PTK2: variants seen among roughly 807,000 people sequenced by gnomAD.
The protein encoded by PTK2 is focal adhesion kinase 1.
PTK2 carries 45 observed loss-of-function variants against 150.1 expected under a neutral mutation model. The ratio of observed to expected loss-of-function variants is 0.30; its 90% confidence interval spans 0.24 to 0.38. The LOEUF (loss-of-function observed/expected upper bound fraction) is 0.38, where lower values mean the gene tolerates loss of function less well. Ranked by LOEUF, PTK2 falls within the 10% of genes least tolerant of loss-of-function variation. The probability of loss-of-function intolerance (pLI) is 1.00; values close to 1 mark genes in which losing one functional copy is unlikely to be tolerated. For synonymous variants in PTK2, 432 were observed against 449.2 expected, an observed-to-expected ratio of 0.96 and a Z score of 0.48; for missense variants, 919 against 1,307.3, an observed-to-expected ratio of 0.70 and a Z score of 4.58.
chr8:140,716,722 T>A (rs190055769), intron 23 of PTK2, among the ~76,000 whole-genome samples: 120 of 152,356 alleles, frequency 7.9e-4, no homozygotes, highest in African/African-American at 2.8e-3. Flanking sequence ...AGAAAATAAT[T>A]GTCAAAGTTT....
chr8:140,860,881 C>A (rs2154605591), intron 5 of PTK2, among the ~76,000 whole-genome samples: 1 of 152,308 alleles, frequency 6.6e-6, no homozygotes, highest in South Asian at 2.1e-4. Context: ...CACGGAAAAA[C>A]AACGACATTG....
At chr8:140,948,835 T>A (rs1569399664) in intron 1 of PTK2, 2 of 152,230 alleles carry the variant, frequency 1.3e-5, no homozygotes, top group African/African-American at 4.8e-5. Context: ...TTGCAAAGGA[T>A]TTACATTGTA....
At chr8:140,920,480 T>C (rs2100166993) in intron 2 of PTK2, among the ~76,000 whole-genome samples, 1 of 152,206 alleles carries the variant, frequency 6.6e-6, no homozygotes, top group South Asian at 2.1e-4. Context: ...CTGTTTAAGT[T>C]AAAATTCCTC....
chr8:140,667,241 TA>T (rs2092715019), intron 30 of PTK2, among the ~76,000 whole-genome samples: 1 of 152,160 alleles, frequency 6.6e-6, no homozygotes. Context: ...AATGTATGCT[TA>T]AAAATGGTTA....
intron 29 of PTK2, chr8:140,669,314 T>C (rs1033427364): frequency 1.6e-5 from 2 of 127,940 alleles, no homozygotes; most frequent in African/African-American, 6.4e-5. Context: ...TATATATATA[T>C]ATATATATAT....
intron 28 of PTK2, 157 bp downstream of exon 31, chr8:140,675,303 A>G: frequency 1.3e-6 from 1 of 757,340 alleles, no homozygotes; most frequent in Non-Finnish European, 2.2e-6. Context: ...CCAATACTCT[A>G]GTAATGAGCT....
chr8:140,748,375 C>T (rs183406705), intron 17 of PTK2, among the ~76,000 whole-genome samples: 3 of 152,038 alleles, frequency 2.0e-5, no homozygotes, highest in African/African-American at 7.2e-5. Context: ...TGCCTGTAGT[C>T]CCAGCTACTC....
At chr8:140,859,580 G>C (rs2100134830) in intron 5 of PTK2, among the ~76,000 whole-genome samples, 1 of 152,160 alleles carries the variant, frequency 6.6e-6, no homozygotes, top group Non-Finnish European at 1.5e-5. Flanking sequence ...AAAGGTTAGA[G>C]AATGCGTATC....
At chr8:140,819,663 A>C (rs1463204587) in intron 8 of PTK2, among the ~76,000 whole-genome samples, 2 of 152,236 alleles carry the variant, frequency 1.3e-5, no homozygotes, top group African/African-American at 2.4e-5. Context: ...TACATGAAAA[A>C]AGATGACAAA....
At chr8:140,763,545 T>C (rs1056828330) in intron 15 of PTK2, among the ~76,000 whole-genome samples, 5 of 151,948 alleles carry the variant, frequency 3.3e-5, no homozygotes, top group African/African-American at 9.7e-5. Context: ...TTTCAAGAGT[T>C]TATCTAATTC....
intron 12 of PTK2, among the ~76,000 whole-genome samples, chr8:140,796,921 C>T (rs2100091960): frequency 2.0e-5 from 3 of 152,098 alleles, no homozygotes; most frequent in Admixed American, 2.0e-4. Flanking sequence ...ATTAATAGAG[C>T]TATTTTTTTA....
rs575109528 is a variant in PTK2, at chr8:140,677,180, C to T, written c.2563-1681G>A. On this transcript the variant is annotated intron_variant, in intron 27 of 31. Coordinates refer to ENST00000522684, the Ensembl canonical transcript of PTK2. ...TCCCAGTGTCTGCATCCTCTCCTGC[C>T]TGGCCTCCCAACTATCCTTATCACA... 6.6e-4 allele frequency among the ~76,000 whole-genome samples: 101 copies of T among 152,290 alleles called. 2 individuals carry two copies. The highest frequency in any genetic ancestry group is 1.0e-3 in the Admixed American group (16 of 15,284).
In PTK2 at chr8:140,703,259, T is replaced by C. The variant is rs111423243; in HGVS notation, c.2230-552A>G. On this transcript the variant is annotated intron_variant, in intron 24 of 31. Transcript: ENST00000522684. ...GCCTGGGTGACAGAGAGAGACTCCG[T>C]CTCAAAAAAAAAAAGAAAATAAAAA... 3.0e-3 allele frequency among the ~76,000 whole-genome samples: 456 copies of C among 150,594 alleles called. 3 individuals carry two copies. Among genetic ancestry groups the C allele is most frequent in the African/African-American group, 0.011 (434 of 40,856 alleles).
At chr8:140,693,887 T>C (rs1161308117) in intron 26 of PTK2, among the ~76,000 whole-genome samples, 2 of 152,132 alleles carry the variant, frequency 1.3e-5, no homozygotes, top group South Asian at 4.1e-4. Context: ...AGCAAGTTAA[T>C]TTTTCAAACA....
At chr8:140,738,326 G>C (rs1010116165) in intron 21 of PTK2, among the ~76,000 whole-genome samples, 2 of 152,198 alleles carry the variant, frequency 1.3e-5, no homozygotes, top group Non-Finnish European at 2.9e-5. Context: ...AAAATGGAGA[G>C]TAGAGTGGAG....
At chr8:140,668,166 G>T in intron 30 of PTK2, 103 bp downstream of exon 34, 1 of 1,369,336 alleles carries the variant, frequency 7.3e-7, no homozygotes, top group East Asian at 2.3e-5. Context: ...CATCAGTTCT[G>T]ACTTTGGTGG....
chr8:140,818,737 C>T (rs2100106272), intron 9 of PTK2, 143 bp downstream of exon 9: 1 of 959,134 alleles, frequency 1.0e-6, no homozygotes, highest in Non-Finnish European at 1.5e-6. Context: ...TTCTATTTTT[C>T]ACATGGTAAA....
chr8:140,846,025 A>G (rs2100125217), intron 7 of PTK2, among the ~76,000 whole-genome samples: 1 of 152,170 alleles, frequency 6.6e-6, no homozygotes, highest in African/African-American at 2.4e-5. Context: ...TGCAATGATT[A>G]AATCTACACA....
intron 1 of PTK2, among the ~76,000 whole-genome samples, chr8:140,978,093 T>C (rs1257439725): frequency 6.6e-6 from 1 of 152,204 alleles, no homozygotes; most frequent in Non-Finnish European, 1.5e-5. Context: ...CCTTACACCT[T>C]ATACAAAAAT....
Sources: gnomAD v4.1 joint callset for allele counts (sites outside exome capture counted in the v4.1 genomes callset) on GRCh38, gnomAD v4.1.1 for gene constraint, MANE v1.5 for transcripts, NCBI Gene and HGNC (gene_info 2026-07-23, HGNC 2026-07-21) for gene names.